The following IZUMO4 variants were observed in gnomAD, a reference collection of about 807,000 sequenced individuals.
IZUMO4 encodes the protein IZUMO family member 4.
In IZUMO4, 51 loss-of-function variants were observed where a neutral mutation model predicts 37.1. The observed-to-expected ratio is 1.38, with a 90% CI of 1.10 to 1.74. IZUMO4 has a LOEUF of 1.74. IZUMO4 is among the 40% of genes most tolerant of loss of function. IZUMO4 has a pLI of 0.00. For missense variants in IZUMO4, 364 were observed against 299.6 expected, an observed-to-expected ratio of 1.21 and a Z score of -1.59; for synonymous variants, 162 against 121.4, an observed-to-expected ratio of 1.33 and a Z score of -2.20.
rs367892633 is a variant in IZUMO4 at position 2,098,810 on chromosome 19, G to T, written c.554+6G>T. 2 of 1,597,512 alleles carry T rather than the reference G, an allele frequency of 1.3e-6. No individual in the cohort carries two copies. The highest frequency in any genetic ancestry group is 1.3e-5 in the African/African-American group (1 of 74,290). On this transcript the variant is annotated splice_donor_region_variant and intron_variant, in intron 8 of 9. Coordinates refer to ENST00000395301, the MANE Select transcript of IZUMO4 (RefSeq NM_001039846.2). ...AGACAGGACACGAGCATGAGGTAAGGCCGCCCTGACCTGGACTTCAGGGGG... is the reference window on the plus strand; with the variant it reads ...AGACAGGACACGAGCATGAGGTAAGTCCGCCCTGACCTGGACTTCAGGGGG...
chr19:2,098,585 C>T (rs1599422750), intron 7 of IZUMO4, 135 bp downstream of exon 7: 1 of 1,599,186 alleles, frequency 6.3e-7, no homozygotes, highest in African/African-American at 1.3e-5. Flanking sequence ...AACCTCAACC[C>T]AGCTCTGCGC....
At position 2,099,119 on chromosome 19, in the gene IZUMO4, CCAGGCACGAGGGTGTCGTGGATGTGGCCA is replaced by C. The variant is rs1256212775; in HGVS notation, c.608+93_609-105del. 5.8e-5 allele frequency: 82 copies of C among 1,406,730 alleles called. 2 individuals are homozygous for C. The South Asian group carries it at 9.1e-4, about 16-fold the overall frequency. The allele number at this position is 1,406,730 out of a possible 1,614,324, so 87.1% of individuals were successfully genotyped here. On this transcript the variant is annotated intron_variant, in intron 9 of 9. Coordinates refer to ENST00000395301, the MANE Select transcript of IZUMO4 (RefSeq NM_001039846.2). ...GCGGCCTGCACACCCTGCTGACATC[CCAGGCACGAGGGTGTCGTGGATGTGGCCA>C]CACATAGGACCACACGTCCCAGCTG... is the stretch of plus-strand genomic sequence containing the variant.
In IZUMO4 at chr19:2,097,304, G is replaced by T. The variant is rs763770851; in HGVS notation, c.270G>T (p.Gln90His). ...CAGCAGTGTACCAGATGATGGATCA[G>T]CTGTACCAGGGGAAGATGTACTTCC... The part of the protein sequence containing the change: ...VATAVYQMMD[Q>H]LYQGKMYFPG... Residue 90 changes from glutamine to histidine, a missense_variant, in exon 2 of 10, where the codon CAG (glutamine) becomes CAT (histidine). Gln to His is a conservative substitution (Grantham distance 24, BLOSUM62 0). Transcript: ENST00000395301. 6.2e-7 allele frequency: 1 copy of T among 1,612,864 alleles called. No homozygotes were observed. Among genetic ancestry groups the T allele is most frequent in the South Asian group, 1.1e-5 (1 of 91,082 alleles).
chr19:2,097,597 C>A, intron 3 of IZUMO4, 102 bp downstream of exon 3: 2 of 1,066,716 alleles, frequency 1.9e-6, no homozygotes, highest in Non-Finnish European at 2.9e-6. Flanking sequence ...CACCTGGCAC[C>A]AGGCAGCTGG....
chr19:2,099,196 A>G lies in IZUMO4; in HGVS notation c.609-59A>G, dbSNP rs534708858. 133 of 1,508,064 alleles carry G rather than the reference A, an allele frequency of 8.8e-5. No homozygotes were observed. The African/African-American group carries it at 9.2e-4, about 10-fold the overall frequency. 93.4% of individuals were successfully genotyped at this position (1,508,064 alleles called of 1,614,324 possible). ...CTGGGAGGAGAGGCCTGGGGCCCCC[A>G]GGGAGGGAGGCAGGGGGTGGGGGAC... On this transcript the variant is annotated intron_variant, in intron 9 of 9. Transcript: ENST00000395301.
intron 3 of IZUMO4, 46 bp downstream of exon 3, chr19:2,097,541 C>G (rs1380751704): frequency 1.3e-6 from 2 of 1,515,282 alleles, no homozygotes; most frequent in Non-Finnish European, 1.8e-6. Context: ...CCCAGAGCCT[C>G]GGAGACCCAC....
chr19:2,099,321 T>C lies in IZUMO4; in HGVS notation c.675T>C (p.Ala225=). ...PHLANLTLED[A]AECLKQH is the part of the protein sequence containing the mutation. ...TGGCCAACCTGACCTTGGAAGATGC[T>C]GCTGAGTGTCTCAAGCAGCACTGAC... The change falls in exon 10 of 10, where the codon GCT becomes GCC. Residue 225 remains alanine (A), a synonymous_variant. Transcript: ENST00000395301. 1.2e-6 allele frequency: 2 copies of C among 1,613,250 alleles called. No individual in the cohort carries two copies. Among genetic ancestry groups the C allele is most frequent in the Non-Finnish European group, 1.7e-6 (2 of 1,179,862 alleles).
In IZUMO4 at chr19:2,097,974, A is replaced by G; in HGVS notation, c.397+19A>G. ...CGCTGTGGTAAGCAAGGCTCCGTCC[A>G]GGCTGAGGGGCGTGCCGGTGGCAGC... On this transcript the variant is annotated intron_variant, in intron 4 of 9. Transcript: ENST00000395301. 6 of 1,613,212 alleles carry G rather than the reference A, an allele frequency of 3.7e-6. No individual in the cohort carries two copies. The highest frequency in any genetic ancestry group is 4.2e-6 in the Non-Finnish European group (5 of 1,179,934).
chr19:2,098,035 T>A lies in IZUMO4; in HGVS notation c.398-17T>A. ...GGAGGCTGAGGGGAGCCCTGGCGGCTCTTGTACGTGTTTCAGGCATCTTCC... is the reference window on the plus strand; with the variant it reads ...GGAGGCTGAGGGGAGCCCTGGCGGCACTTGTACGTGTTTCAGGCATCTTCC... On this transcript the variant is annotated splice_polypyrimidine_tract_variant and intron_variant, in intron 4 of 9. Coordinates refer to ENST00000395301, the MANE Select transcript of IZUMO4 (RefSeq NM_001039846.2). 6.2e-7 allele frequency: 1 copy of A among 1,613,268 alleles called. No individual in the cohort carries two copies. Among genetic ancestry groups the A allele is most frequent in the African/African-American group, 1.3e-5 (1 of 75,034 alleles).
chr19:2,097,986 G>A (rs754828139), intron 4 of IZUMO4, 31 bp downstream of exon 4: 57 of 1,613,060 alleles, frequency 3.5e-5, no homozygotes, highest in South Asian at 2.4e-4. Context: ...GCTGAGGGGC[G>A]TGCCGGTGGC....
Position 2,097,403 on chromosome 19 carries a change from TCTC to T in IZUMO4, c.299-18_299-16del, listed in dbSNP as rs767302431. 1.7e-5 allele frequency: 28 copies of T among 1,610,348 alleles called. No individual in the cohort carries two copies. The highest frequency in any genetic ancestry group is 1.6e-4 in the Middle Eastern group (1 of 6,082). On this transcript the variant is annotated intron_variant, in intron 2 of 9. Coordinates refer to ENST00000395301, the MANE Select transcript of IZUMO4 (RefSeq NM_001039846.2). ...CCCGCCCACCGCCTGAGCCTGACCT[TCTC>T]CTGCCTCGACGACTCAGGGTATTTC...
At chr19:2,099,124 C>T (rs1208015526) in intron 9 of IZUMO4, 95 bp downstream of exon 9, 18 of 1,396,958 alleles carry the variant, frequency 1.3e-5, no homozygotes, top group South Asian at 1.2e-4. Flanking sequence ...ACATCCCAGG[C>T]ACGAGGGTGT....
In IZUMO4 at chr19:2,099,467, T is replaced by C; in HGVS notation, c.*122T>C. 4.4e-6 allele frequency: 2 copies of C among 458,388 alleles called. No homozygotes were observed. Among genetic ancestry groups the C allele is most frequent in the Non-Finnish European group, 8.3e-6 (2 of 241,512 alleles). 28.4% of individuals were successfully genotyped at this position (458,388 alleles called of 1,614,324 possible). ...CCCCCTCTCCGACCCCGGACAGAGC[T>C]GAGCTGGCCAGGGCCAGGAGGGCGG... On this transcript the variant is annotated 3_prime_UTR_variant, in exon 10 of 10. Transcript: ENST00000395301.
intron 3 of IZUMO4, 47 bp downstream of exon 3, chr19:2,097,542 G>T: frequency 6.6e-7 from 1 of 1,514,614 alleles, no homozygotes; most frequent in Non-Finnish European, 9.2e-7. Flanking sequence ...CCAGAGCCTC[G>T]GAGACCCACG....
At chr19:2,097,678 A>T in intron 3 of IZUMO4, 183 bp downstream of exon 3, 3 of 709,476 alleles carry the variant, frequency 4.2e-6, no homozygotes, top group Non-Finnish European at 7.4e-6. Context: ...CCCCGCGGGG[A>T]CCTCCCCTAA....
Position 2,099,146 on chromosome 19 carries a change from C to T in IZUMO4, c.609-109C>T, listed in dbSNP as rs183708826. 355 of 1,372,304 alleles carry T rather than the reference C, an allele frequency of 2.6e-4. 1 individual carries two copies. Among genetic ancestry groups the T allele is most frequent in the Non-Finnish European group, 2.5e-4 (244 of 961,972 alleles). 85.0% of individuals were successfully genotyped at this position (1,372,304 alleles called of 1,614,324 possible). A position where few individuals can be genotyped will look rare whatever the true frequency, so the allele number is the denominator to read the frequency against. On this transcript the variant is annotated intron_variant, in intron 9 of 9. Coordinates refer to ENST00000395301, the MANE Select transcript of IZUMO4 (RefSeq NM_001039846.2). ...AGGCACGAGGGTGTCGTGGATGTGG[C>T]CACACATAGGACCACACGTCCCAGC...
rs115105239 is a variant in IZUMO4, at chr19:2,097,418, A to C, written c.299-6A>C. On this transcript the variant is annotated splice_polypyrimidine_tract_variant and splice_region_variant and intron_variant, in intron 2 of 9. Transcript: ENST00000395301. ...AGCCTGACCTTCTCCTGCCTCGACG[A>C]CTCAGGGTATTTCCCCAACGAGCTG... 15,455 of 1,603,942 alleles carry C rather than the reference A, an allele frequency of 9.6e-3. 361 individuals are homozygous for C. The highest frequency in any genetic ancestry group is 0.096 in the African/African-American group (7,120 of 74,320).
intron 5 of IZUMO4, 73 bp downstream of exon 5, chr19:2,098,200 G>A (rs1230506415): frequency 4.3e-6 from 7 of 1,611,210 alleles, no homozygotes; most frequent in African/African-American, 1.3e-5. Context: ...TCCTTGGAGG[G>A]GGCTCCCCGC....
In IZUMO4 at chr19:2,098,049, C is replaced by G; in HGVS notation, c.398-3C>G. 1 of 1,613,348 alleles carries G rather than the reference C, an allele frequency of 6.2e-7. No homozygotes were observed. Among genetic ancestry groups the G allele is most frequent in the South Asian group, 1.1e-5 (1 of 91,090 alleles). ...GCCCTGGCGGCTCTTGTACGTGTTT[C>G]AGGCATCTTCCAGTACGAGACCATC... is the stretch of plus-strand genomic sequence containing the variant. On this transcript the variant is annotated splice_region_variant and splice_polypyrimidine_tract_variant and intron_variant, in intron 4 of 9. Coordinates refer to ENST00000395301, the MANE Select transcript of IZUMO4 (RefSeq NM_001039846.2).
Sources: allele counts gnomAD v4.1 joint callset, GRCh38; gene constraint gnomAD v4.1.1; transcripts MANE v1.5; gene names NCBI Gene and HGNC (gene_info 2026-07-23, HGNC 2026-07-21).